The following ITPR2 variants were observed in gnomAD, a reference collection of about 807,000 sequenced individuals.
ITPR2 encodes inositol 1,4,5-trisphosphate-gated calcium channel ITPR2.
A neutral mutation model predicts 317.1 loss-of-function variants in ITPR2; 207 were observed. The ratio of observed to expected loss-of-function variants is 0.65; its 90% confidence interval spans 0.58 to 0.73. The LOEUF is 0.73. Ranked by LOEUF, ITPR2 falls within the 30% of genes least tolerant of loss-of-function variation. The probability of loss-of-function intolerance (pLI) is 0.00; values close to 1 mark genes in which losing one functional copy is unlikely to be tolerated. For missense variants in ITPR2, 2,613 were observed against 3,284.0 expected (o/e 0.80, Z 4.99); for synonymous variants, 1,156 against 1,149.1 (o/e 1.01, Z -0.12).
intron 45 of ITPR2, among the ~76,000 whole-genome samples, chr12:26,444,825 T>C (rs541402908): frequency 1.3e-5 from 2 of 152,280 alleles, no homozygotes; most frequent in South Asian, 2.1e-4. Context: ...GTTCATTACA[T>C]TGATGCTGCT....
intron 55 of ITPR2, among the ~76,000 whole-genome samples, chr12:26,367,834 C>T (rs1939056659): frequency 6.6e-6 from 1 of 152,152 alleles, no homozygotes; most frequent in African/African-American, 2.4e-5. Flanking sequence ...TTACACAGTG[C>T]ACTATATTTC....
chr12:26,428,677 C>T (rs1941129769), intron 48 of ITPR2, among the ~76,000 whole-genome samples: 1 of 152,164 alleles, frequency 6.6e-6, no homozygotes, highest in Admixed American at 6.5e-5. Flanking sequence ...GCTATTTACT[C>T]ATCAGAAAAT....
chr12:26,801,742 T>G (rs1047175878), intron 1 of ITPR2, among the ~76,000 whole-genome samples: 7 of 152,208 alleles, frequency 4.6e-5, no homozygotes, highest in Non-Finnish European at 1.0e-4. Flanking sequence ...GTTGTACATG[T>G]GCCAAAAGTC....
In ITPR2 at chr12:26,415,409, G is replaced by A. The variant is rs371760297; in HGVS notation, c.7200C>T (p.Val2400=). The part of the protein sequence containing the change: ...RNGRSIILTA[V]LALILVYLFS... ...ACAGGTAGACGAGGATGAGAGCCAG[G>A]ACTGCAGTTAGAATAATAGAGCGGC... The change falls in exon 51 of 57, where the codon GTC becomes GTT. Residue 2400 remains valine (V), a synonymous_variant. Transcript: ENST00000381340. 14 of 1,612,920 alleles carry A rather than the reference G, an allele frequency of 8.7e-6. No individual in the cohort carries two copies. The African/African-American group carries it at 1.9e-4, about 22-fold the overall frequency.
intron 47 of ITPR2, among the ~76,000 whole-genome samples, chr12:26,437,446 T>C (rs1941382926): frequency 1.3e-5 from 2 of 152,208 alleles, no homozygotes; most frequent in Non-Finnish European, 2.9e-5. Context: ...TGCCATTCAA[T>C]TGACTAATGT....
At position 26,631,945 on chromosome 12, in the gene ITPR2, G is replaced by A. The variant is rs201452328; in HGVS notation, c.2855C>T (p.Pro952Leu). 18 of 1,613,820 alleles carry A rather than the reference G, an allele frequency of 1.1e-5. No individual in the cohort carries two copies. The highest frequency in any genetic ancestry group is 6.7e-5 in the Admixed American group (4 of 59,988). Residue 952 changes from proline to leucine, a missense_variant, in exon 22 of 57, where the codon CCG becomes CTG. Physicochemically the swap from Pro to Leu is moderately conservative, Grantham distance 98. Transcript: ENST00000381340. The stretch of plus-strand genomic sequence containing the variant: ...CTCGGTGGGGCTCCCTTGCTTGCTC[G>A]GGTGGATGCTGGGTGGCACATCCGG... ...SVPDVPPSIHPSKQGSPTEHE... is the reference protein window; with the variant it reads ...SVPDVPPSIHLSKQGSPTEHE...
intron 45 of ITPR2, among the ~76,000 whole-genome samples, chr12:26,466,025 T>C (rs776533832): frequency 4.6e-5 from 7 of 152,224 alleles, no homozygotes; most frequent in Non-Finnish European, 1.0e-4. Context: ...TGATAATCTC[T>C]TCATGTTTAC....
intron 2 of ITPR2, among the ~76,000 whole-genome samples, chr12:26,736,733 G>A (rs913006416): frequency 4.6e-5 from 7 of 152,230 alleles, no homozygotes; most frequent in Admixed American, 2.6e-4. Context: ...CTGAACCGGC[G>A]GAAAAGCTGA....
chr12:26,432,718 A>G (rs932384313), intron 48 of ITPR2, among the ~76,000 whole-genome samples: 3 of 151,536 alleles, frequency 2.0e-5, no homozygotes, highest in Non-Finnish European at 4.4e-5. Context: ...TATCAACATG[A>G]ACTCCTGGAT....
intron 13 of ITPR2, among the ~76,000 whole-genome samples, chr12:26,675,841 C>G (rs1947895927): frequency 2.0e-5 from 3 of 152,208 alleles, no homozygotes; most frequent in South Asian, 4.1e-4. Flanking sequence ...AATTATCAAT[C>G]TAACATCTCT....
At chr12:26,653,001 C>T (rs2128627) in intron 21 of ITPR2, among the ~76,000 whole-genome samples, 98,922 of 152,086 alleles carry the variant, frequency 0.65, 32,526 homozygotes, top group East Asian at 0.89. Context: ...TACATTCCCT[C>T]AATTCTTGCA....
intron 2 of ITPR2, among the ~76,000 whole-genome samples, chr12:26,749,049 G>T (rs1373114299): frequency 1.3e-5 from 2 of 151,492 alleles, no homozygotes; most frequent in Non-Finnish European, 3.0e-5. Context: ...ACTCAGATTT[G>T]ACTACGTGAT....
At chr12:26,804,531 G>A (rs1448488276) in intron 1 of ITPR2, among the ~76,000 whole-genome samples, 1 of 151,924 alleles carries the variant, frequency 6.6e-6, no homozygotes, top group African/African-American at 2.4e-5. Flanking sequence ...AAATCAAAAG[G>A]AAATAAAAAC....
intron 55 of ITPR2, among the ~76,000 whole-genome samples, chr12:26,346,726 C>T (rs986175245): frequency 5.9e-5 from 9 of 151,308 alleles, no homozygotes; most frequent in Admixed American, 6.6e-5. Context: ...GAAAGAGCAC[C>T]AATCTATGAG....
At chr12:26,495,588 G>C (rs1458826962) in intron 37 of ITPR2, 1 of 172,936 alleles carries the variant, frequency 5.8e-6, no homozygotes, top group Non-Finnish European at 1.2e-5. Context: ...ACAGCTTTTT[G>C]AATGTCAATT....
chr12:26,615,781 CA>C (rs1946360097), intron 26 of ITPR2, among the ~76,000 whole-genome samples: 1 of 152,080 alleles, frequency 6.6e-6, no homozygotes, highest in South Asian at 2.1e-4. Flanking sequence ...AATAGAAATG[CA>C]AGGGGAAATT....
chr12:26,701,799 A>C (rs982830698), intron 9 of ITPR2, among the ~76,000 whole-genome samples: 1 of 152,224 alleles, frequency 6.6e-6, no homozygotes, highest in Non-Finnish European at 1.5e-5. Flanking sequence ...ATAAGTGTTT[A>C]CTGCCATCTG....
At chr12:26,623,966 C>T (rs956910607) in intron 24 of ITPR2, among the ~76,000 whole-genome samples, 3 of 152,098 alleles carry the variant, frequency 2.0e-5, no homozygotes, top group Non-Finnish European at 4.4e-5. Flanking sequence ...TTCAGGGAAG[C>T]AATGTTTTAC....
At chr12:26,522,610 T>C (rs1307612025) in intron 37 of ITPR2, among the ~76,000 whole-genome samples, 1 of 152,202 alleles carries the variant, frequency 6.6e-6, no homozygotes, top group Non-Finnish European at 1.5e-5. Context: ...AATGGAATAA[T>C]ACCTACTGCA....
Sources: allele counts gnomAD v4.1 joint callset (sites outside exome capture counted in the v4.1 genomes callset), GRCh38; gene constraint gnomAD v4.1.1; transcripts MANE v1.5; gene names NCBI Gene and HGNC (gene_info 2026-07-23, HGNC 2026-07-21).